Variants in UTP14A observed in about 807,000 individuals in gnomAD.
UTP14A encodes the protein UTP14A small subunit processome component.
UTP14A carries 5 observed loss-of-function variants against 57.2 expected under a neutral mutation model. That is an observed-to-expected ratio of 0.09 (90% CI 0.05 to 0.18). The LOEUF is 0.18. Ranked by LOEUF, UTP14A falls within the 10% of genes least tolerant of loss-of-function variation. The probability of loss-of-function intolerance (pLI) is 1.00; values close to 1 mark genes in which losing one functional copy is unlikely to be tolerated. For synonymous variants in UTP14A, 169 were observed against 210.9 expected (o/e 0.80, Z 1.72); for missense variants, 430 against 562.1 (o/e 0.76, Z 2.38).
At chrX:129,914,353 G>T (rs1231920134) in intron 6 of UTP14A, among the ~76,000 whole-genome samples, 1 of 111,187 alleles carries the variant, frequency 9.0e-6, no homozygotes, top group Non-Finnish European at 1.9e-5. Context: ...GAGGCAGGTG[G>T]ATCACCTGAG....
rs1216094675 is a variant in UTP14A at position 129,925,042 on chromosome X, G to A, written c.1596G>A (p.Val532=). ...AAAATAAGGAGCTTCCCAGACCTGTGTTAGAAGGGCAGCAGTCAGAGAGGA... is the reference window on the plus strand; with the variant it reads ...AAAATAAGGAGCTTCCCAGACCTGTATTAGAAGGGCAGCAGTCAGAGAGGA... ...CFQNKELPRP[V]LEGQQSERTP... Residue 532 remains valine (V), a synonymous_variant, in exon 12 of 15, where the codon GTG becomes GTA. Coordinates refer to ENST00000394422, the MANE Select transcript of UTP14A (RefSeq NM_006649.4). 1 of 1,209,486 alleles carries A rather than the reference G, an allele frequency of 8.3e-7. No homozygotes were observed. The highest frequency in any genetic ancestry group is 1.1e-6 in the Non-Finnish European group (1 of 895,209).
At position 129,921,163 on chromosome X, in the gene UTP14A, A is replaced by G. The variant is rs755236472; in HGVS notation, c.955-31A>G. 3.4e-6 allele frequency: 4 copies of G among 1,174,575 alleles called. No individual in the cohort carries two copies. The African/African-American group carries it at 7.1e-5, about 21-fold the overall frequency. ...AGGTGTTATTGCGGTCACTAATGACAGGGCTCTCATGCTGTGACTCTTTCC... is the reference window on the plus strand; with the variant it reads ...AGGTGTTATTGCGGTCACTAATGACGGGGCTCTCATGCTGTGACTCTTTCC... On this transcript the variant is annotated intron_variant, in intron 10 of 14. Transcript: ENST00000394422.
intron 14 of UTP14A, among the ~76,000 whole-genome samples, chrX:129,927,086 GA>G (rs767382219): frequency 1.8e-5 from 2 of 111,474 alleles, no homozygotes; most frequent in African/African-American, 6.5e-5. Flanking sequence ...GGGAAGGGGG[GA>G]AAGGGTGCTT....
At chrX:129,920,870 A>G in intron 10 of UTP14A, 118 bp downstream of exon 10, 2 of 1,165,574 alleles carry the variant, frequency 1.7e-6, no homozygotes. Context: ...CATCAGAAAA[A>G]TCTCTAAGGC....
chrX:129,929,698 A>C lies in UTP14A; in HGVS notation c.*90A>C. On this transcript the variant is annotated 3_prime_UTR_variant, in exon 15 of 15. Transcript: ENST00000394422. ...ACAGGGTGGATTCCAAAACTGGCTCAGTACATTGCATGTAGTTAAGCCACA... is the reference window on the plus strand; with the variant it reads ...ACAGGGTGGATTCCAAAACTGGCTCCGTACATTGCATGTAGTTAAGCCACA... 9.6e-7 allele frequency: 1 copy of C among 1,046,421 alleles called. No homozygotes were observed. Among genetic ancestry groups the C allele is most frequent in the Admixed American group, 2.9e-5 (1 of 34,405 alleles). The allele number at this position is 1,046,421 out of a possible 1,213,427, so 86.2% of individuals were successfully genotyped here. A position where few individuals can be genotyped will look rare whatever the true frequency, so the allele number is the denominator to read the frequency against.
At chrX:129,925,262 C>CT (rs1930062356) in intron 12 of UTP14A, 67 bp downstream of exon 12, 5 of 1,144,922 alleles carry the variant, frequency 4.4e-6, no homozygotes, top group Non-Finnish European at 5.8e-6. Flanking sequence ...AGTAATGAAG[C>CT]TTTGTTTTGC....
chrX:129,926,254 C>T lies in UTP14A; in HGVS notation c.1958C>T (p.Ala653Val). ...TTGCTTTCCAGGTTTCTCATTAAAG[C>T]CCCTGAGGGTCCTCCAAGAAAAGAT... is the stretch of plus-strand genomic sequence containing the variant. Reference protein sequence around the residue: ...AKKRRRFLIKAPEGPPRKDKN... With the variant: ...AKKRRRFLIKVPEGPPRKDKN... The change falls in exon 14 of 15, where the codon GCC (alanine) becomes GTC (valine). Residue 653 changes from alanine to valine, a missense_variant. Physicochemically the swap from Ala to Val is moderately conservative, Grantham distance 64 (BLOSUM62 0). Coordinates refer to ENST00000394422, the MANE Select transcript of UTP14A (RefSeq NM_006649.4). The T allele has an allele frequency of 8.3e-7, 1 of 1,211,544 alleles. No homozygotes were observed. Among genetic ancestry groups the T allele is most frequent in the African/African-American group, 1.7e-5 (1 of 57,848 alleles).
At chrX:129,923,983 C>T (rs190311651) in intron 11 of UTP14A, among the ~76,000 whole-genome samples, 25 of 105,344 alleles carry the variant, frequency 2.4e-4, no homozygotes, top group Admixed American at 2.3e-3. Flanking sequence ...TTTTTTGAGA[C>T]GTCTTGCCCT....
intron 14 of UTP14A, among the ~76,000 whole-genome samples, chrX:129,928,684 G>A (rs1187571935): frequency 9.0e-6 from 1 of 111,442 alleles, no homozygotes; most frequent in Non-Finnish European, 1.9e-5. Flanking sequence ...AACCCAGGAG[G>A]CAGAGCTTGC....
Position 129,911,874 on chromosome X carries a change from G to A in UTP14A, c.490G>A (p.Glu164Lys), listed in dbSNP as rs779805063. ...AEQLVFPLEKEEPAIAPIEHV... is the reference protein window; with the variant it reads ...AEQLVFPLEKKEPAIAPIEHV... ...GCAGCTGGTTTTTCCCCTGGAGAAA[G>A]AGGAGCCAGCCATTGCTCCCATTGA... Residue 164 changes from glutamate (E) to lysine (K), a missense_variant, in exon 6 of 15, where the codon GAG becomes AAG. Around this residue, in one of 4 missense-constraint regions of UTP14A, gnomAD observed 145 missense variants for 153.5 expected, o/e 0.94. Coordinates refer to ENST00000394422, the MANE Select transcript of UTP14A (RefSeq NM_006649.4). 1.7e-6 allele frequency: 2 copies of A among 1,211,795 alleles called. No homozygotes were observed. The highest frequency in any genetic ancestry group is 4.3e-5 in the Admixed American group (2 of 45,986).
rs1930241831 is a variant in UTP14A at position 129,929,587 on chromosome X, G to A, written c.2295G>A (p.Leu765=). The change falls in exon 15 of 15, where the codon CTG becomes CTA. Residue 765 remains leucine, a synonymous_variant. Coordinates refer to ENST00000394422, the MANE Select transcript of UTP14A (RefSeq NM_006649.4). ...KRITTRHKKQ[L]KKCSVD ...TCACCACACGTCACAAAAAACAGCT[G>A]AAGAAATGCTCTGTAGATTGAGTTG... The A allele has an allele frequency of 1.2e-5, 14 of 1,211,301 alleles. No homozygotes were observed. Among genetic ancestry groups the A allele is most frequent in the Non-Finnish European group, 1.1e-5 (10 of 895,006 alleles).
chrX:129,921,205 T>A lies in UTP14A; in HGVS notation c.966T>A (p.Ala322=), dbSNP rs751500070. 11 of 1,204,926 alleles carry A rather than the reference T, an allele frequency of 9.1e-6. No individual in the cohort carries two copies. Among genetic ancestry groups the A allele is most frequent in the Non-Finnish European group, 1.2e-5 (11 of 892,469 alleles). The change falls in exon 11 of 15, where the codon GCT becomes GCA. Residue 322 remains alanine, a synonymous_variant. Coordinates refer to ENST00000394422, the MANE Select transcript of UTP14A (RefSeq NM_006649.4). The part of the protein sequence containing the change: ...MAKYDLEARQ[A]MQEQLSKNKE... ...ACTCTTTCCTCCAGGCTCGCCAAGC[T>A]ATGCAGGAACAGTTGTCTAAGAACA...
At chrX:129,918,400 A>C (rs1469447366) in intron 6 of UTP14A, among the ~76,000 whole-genome samples, 6 of 106,586 alleles carry the variant, frequency 5.6e-5, no homozygotes, top group African/African-American at 2.1e-4. Context: ...AGAAAACAAA[A>C]AAAAAAAAAA....
At chrX:129,924,648 C>T (rs758259519) in intron 11 of UTP14A, 147 bp from the exon 12 acceptor site, 17 of 737,717 alleles carry the variant, frequency 2.3e-5, no homozygotes, top group African/African-American at 1.7e-4. Flanking sequence ...CTAGGAGATT[C>T]AATGTACAGA....
At chrX:129,906,482 C>G (rs950846867) in intron 1 of UTP14A, among the ~76,000 whole-genome samples, 1 of 111,967 alleles carries the variant, frequency 8.9e-6, no homozygotes, top group Non-Finnish European at 1.9e-5. Flanking sequence ...CTCCCCAGCT[C>G]ATTTACTGTG....
intron 3 of UTP14A, 131 bp from the exon 4 acceptor site, chrX:129,908,539 T>C (rs2124187378): frequency 3.2e-6 from 2 of 631,327 alleles, no homozygotes; most frequent in East Asian, 6.6e-5. Context: ...TGCTGCATCA[T>C]GACAAAACAT....
At chrX:129,915,953 T>C (rs1229714816) in intron 6 of UTP14A, among the ~76,000 whole-genome samples, 1 of 95,264 alleles carries the variant, frequency 1.0e-5, no homozygotes, top group Non-Finnish European at 2.1e-5. Flanking sequence ...TTCCATGACT[T>C]TTTTTTTTTT....
At chrX:129,911,663 T>A in intron 5 of UTP14A, 103 bp from the exon 6 acceptor site, 1 of 1,008,794 alleles carries the variant, frequency 9.9e-7, no homozygotes, top group East Asian at 3.1e-5. Context: ...ATCCTGATTC[T>A]TTCTTGGGCT....
At chrX:129,911,416 C>A (rs1293700974) in intron 5 of UTP14A, among the ~76,000 whole-genome samples, 1 of 110,735 alleles carries the variant, frequency 9.0e-6, no homozygotes, top group East Asian at 2.8e-4. Context: ...AACCCCGTCT[C>A]TACTAAAAAT....
Sources: gnomAD v4.1 joint callset for allele counts (sites outside exome capture counted in the v4.1 genomes callset) on GRCh38, gnomAD v4.1.1 for gene constraint, gnomAD v4.1.1 regional missense constraint, MANE v1.5 for transcripts, NCBI Gene and HGNC (gene_info 2026-07-23, HGNC 2026-07-21) for gene names.